Variants in GAREM1 observed in about 807,000 individuals in gnomAD.
GAREM1 encodes the protein GRB2 associated regulator of MAPK1 subtype 1, also known as GRB2-associated and regulator of MAPK protein 1.
A neutral mutation model predicts 71.3 loss-of-function variants in GAREM1; 26 were observed. The observed-to-expected ratio is 0.36, with a 90% CI of 0.27 to 0.51. The LOEUF (loss-of-function observed/expected upper bound fraction) is 0.51, where lower values mean the gene tolerates loss of function less well. Ranked by LOEUF, GAREM1 falls within the 20% of genes least tolerant of loss-of-function variation. The pLI, the probability that GAREM1 is intolerant of heterozygous loss-of-function variation, is 0.95. For missense variants in GAREM1, 1,026 were observed against 1,103.1 expected (o/e 0.93, Z 0.99); for synonymous variants, 440 against 433.2 (o/e 1.02, Z -0.20).
At chr18:32,286,916 C>A in intron 4 of GAREM1, 115 bp downstream of exon 4, 1 of 755,176 alleles carries the variant, frequency 1.3e-6, no homozygotes, top group East Asian at 2.5e-5. Context: ...CCAAACTAAA[C>A]AAATTTGCTC....
At chr18:32,403,446 ACT>A (rs1311753614) in intron 1 of GAREM1, among the ~76,000 whole-genome samples, 1 of 152,016 alleles carries the variant, frequency 6.6e-6, no homozygotes, top group Non-Finnish European at 1.5e-5. Flanking sequence ...CATATGCTGT[ACT>A]CTCACTTACA....
intron 2 of GAREM1, among the ~76,000 whole-genome samples, chr18:32,310,624 T>C (rs576394419): frequency 7.9e-5 from 12 of 152,318 alleles, no homozygotes; most frequent in African/African-American, 2.4e-4. Context: ...AAGTGAAAAC[T>C]CACTTTGCTA....
intron 2 of GAREM1, among the ~76,000 whole-genome samples, chr18:32,349,527 G>A (rs1341175171): frequency 6.6e-6 from 1 of 152,094 alleles, no homozygotes; most frequent in Non-Finnish European, 1.5e-5. Context: ...CTACACAGAG[G>A]TATTACTTCC....
intron 2 of GAREM1, among the ~76,000 whole-genome samples, chr18:32,322,616 T>G (rs764081358): frequency 6.6e-6 from 1 of 152,152 alleles, no homozygotes; most frequent in Non-Finnish European, 1.5e-5. Context: ...AACTAACCAG[T>G]AAACTTTCTA....
At chr18:32,317,569 A>T (rs2047390997) in intron 2 of GAREM1, among the ~76,000 whole-genome samples, 1 of 152,190 alleles carries the variant, frequency 6.6e-6, no homozygotes, top group Non-Finnish European at 1.5e-5. Flanking sequence ...AATATCAACA[A>T]GTAAAAGCTG....
intron 1 of GAREM1, chr18:32,412,290 A>G: frequency 1.0e-5 from 16 of 1,589,664 alleles, no homozygotes; most frequent in Non-Finnish European, 1.4e-5. Context: ...TGGTTTTGCA[A>G]AGTACTGGCC....
chr18:32,312,333 A>G (rs1025751160), intron 2 of GAREM1, among the ~76,000 whole-genome samples: 8 of 152,168 alleles, frequency 5.3e-5, no homozygotes, highest in Admixed American at 5.2e-4. Flanking sequence ...GGGGAGTGAG[A>G]GGAAAACCAA....
At chr18:32,296,878 C>T (rs2047146233) in intron 3 of GAREM1, among the ~76,000 whole-genome samples, 1 of 152,030 alleles carries the variant, frequency 6.6e-6, no homozygotes, top group Admixed American at 6.6e-5. Context: ...ACTTAGGTCA[C>T]CAAGAATCAT....
intron 2 of GAREM1, among the ~76,000 whole-genome samples, chr18:32,318,576 G>A (rs112886524): frequency 6.6e-6 from 1 of 152,164 alleles, no homozygotes; most frequent in East Asian, 1.9e-4. Context: ...TTTGCTTCTG[G>A]TTGGGAAGTT....
intron 1 of GAREM1, among the ~76,000 whole-genome samples, chr18:32,437,296 G>C (rs1440703901): frequency 6.6e-6 from 1 of 152,152 alleles, no homozygotes; most frequent in Non-Finnish European, 1.5e-5. Context: ...CTTTGCCATA[G>C]GAAGGGGATG....
intron 1 of GAREM1, among the ~76,000 whole-genome samples, chr18:32,397,881 G>A (rs1342142819): frequency 4.6e-5 from 7 of 152,062 alleles, no homozygotes; most frequent in South Asian, 2.1e-4. Context: ...GCACCACAAC[G>A]CACTTATTCC....
chr18:32,282,419 C>T (rs971617542), intron 4 of GAREM1, among the ~76,000 whole-genome samples: 7 of 151,900 alleles, frequency 4.6e-5, no homozygotes, highest in African/African-American at 7.3e-5. Context: ...AGTTAGACTC[C>T]GTCTAAAAAA....
chr18:32,396,326 GAGA>G (rs1156822707), intron 1 of GAREM1, among the ~76,000 whole-genome samples: 1 of 152,180 alleles, frequency 6.6e-6, no homozygotes, highest in Non-Finnish European at 1.5e-5. Flanking sequence ...TGACTTTGAA[GAGA>G]AGAAGGCTTC....
At chr18:32,404,835 C>T (rs2048351167) in intron 1 of GAREM1, among the ~76,000 whole-genome samples, 1 of 152,192 alleles carries the variant, frequency 6.6e-6, no homozygotes, top group Non-Finnish European at 1.5e-5. Context: ...CATGGCCCCA[C>T]TGAAATAATT....
At chr18:32,419,233 C>T (rs889459593) in intron 1 of GAREM1, among the ~76,000 whole-genome samples, 1 of 152,190 alleles carries the variant, frequency 6.6e-6, no homozygotes, top group African/African-American at 2.4e-5. Flanking sequence ...CTGTGACCAA[C>T]TAGGGAAATC....
chr18:32,345,075 A>C (rs1329081457), intron 2 of GAREM1, among the ~76,000 whole-genome samples: 3 of 152,182 alleles, frequency 2.0e-5, no homozygotes, highest in African/African-American at 7.2e-5. Context: ...AAAAACAAAA[A>C]CAAAAACCAA....
chr18:32,419,502 T>C (rs566449659), intron 1 of GAREM1, among the ~76,000 whole-genome samples: 9 of 152,216 alleles, frequency 5.9e-5, no homozygotes, highest in African/African-American at 2.2e-4. Flanking sequence ...CAGCCTCCAA[T>C]CTGCAAGAGG....
intron 2 of GAREM1, among the ~76,000 whole-genome samples, chr18:32,332,838 C>T (rs953540045): frequency 1.3e-5 from 2 of 152,126 alleles, no homozygotes; most frequent in African/African-American, 4.8e-5. Context: ...CCTGTCTGTG[C>T]CCCAGAAGCC....
chr18:32,369,793 T>C (rs976877770), intron 2 of GAREM1, among the ~76,000 whole-genome samples: 2 of 152,192 alleles, frequency 1.3e-5, no homozygotes, highest in Admixed American at 6.5e-5. Flanking sequence ...GACACAATCA[T>C]CATCATTCTG....
Sources: gnomAD v4.1 joint callset for allele counts (sites outside exome capture counted in the v4.1 genomes callset) on GRCh38, gnomAD v4.1.1 for gene constraint, MANE v1.5 for transcripts, NCBI Gene and HGNC (gene_info 2026-07-23, HGNC 2026-07-21) for gene names.